Variants in ASIC2 observed in about 807,000 individuals in gnomAD.
ASIC2 encodes the protein acid sensing ion channel subunit 2.
A neutral mutation model predicts 57.3 loss-of-function variants in ASIC2; 25 were observed. The ratio of observed to expected loss-of-function variants is 0.44; its 90% CI spans 0.32 to 0.61. The LOEUF is 0.61. ASIC2 is among the 20% of genes least tolerant of loss of function. The pLI is 0.06. For synonymous variants in ASIC2, 319 were observed against 307.5 expected, an observed-to-expected ratio of 1.04 and a Z score of -0.39; for missense variants, 641 against 738.1, an observed-to-expected ratio of 0.87 and a Z score of 1.52.
intron 1 of ASIC2, among the ~76,000 whole-genome samples, chr17:34,084,016 CTTTAG>C (rs1483630013): frequency 3.3e-5 from 5 of 151,960 alleles, no homozygotes; most frequent in South Asian, 2.1e-4. Flanking sequence ...TGCAGAAGCT[CTTTAG>C]TTTAATTAGA....
At chr17:33,948,145 C>T (rs1346604583) in intron 1 of ASIC2, among the ~76,000 whole-genome samples, 1 of 152,138 alleles carries the variant, frequency 6.6e-6, no homozygotes, top group Non-Finnish European at 1.5e-5. Flanking sequence ...TCTGATGGGG[C>T]AGAAGGGAAC....
chr17:33,195,263 G>A (rs1197142713), intron 1 of ASIC2, among the ~76,000 whole-genome samples: 1 of 152,086 alleles, frequency 6.6e-6, no homozygotes, highest in Admixed American at 6.6e-5. Flanking sequence ...AGCAGTGTGG[G>A]GAAGAGAAAG....
intron 7 of ASIC2, 54 bp downstream of exon 7, chr17:33,021,165 C>CA: frequency 1.5e-6 from 1 of 685,040 alleles, no homozygotes; most frequent in Non-Finnish European, 2.7e-6. Context: ...TGCATCCTCC[C>CA]TCCCTCCCAC....
At chr17:33,818,515 C>A (rs776011982) in intron 1 of ASIC2, among the ~76,000 whole-genome samples, 9 of 152,054 alleles carry the variant, frequency 5.9e-5, no homozygotes, top group Non-Finnish European at 1.2e-4. Flanking sequence ...GGTTCTCAAC[C>A]TCAGATGGGG....
rs148452263 is a variant in ASIC2 at position 33,677,556 on chromosome 17, G to C, written c.555+478422C>G. On this transcript the variant is annotated intron_variant, in intron 1 of 9. Coordinates refer to the ASIC2 transcript ENST00000359872. ...GATGCCATTAAGAACATTTGTGACTGATGGGAGAAGATCAACATATTAACT... is the reference window on the plus strand; with the variant it reads ...GATGCCATTAAGAACATTTGTGACTCATGGGAGAAGATCAACATATTAACT... Among the ~76,000 whole-genome samples the C allele has an allele frequency of 3.9e-3, 600 of 152,318 alleles. 9 individuals carry two copies. Among genetic ancestry groups the C allele is most frequent in the African/African-American group, 0.014 (572 of 41,584 alleles).
At chr17:33,594,207 G>A (rs1234384175) in intron 1 of ASIC2, among the ~76,000 whole-genome samples, 4 of 152,180 alleles carry the variant, frequency 2.6e-5, no homozygotes, top group Non-Finnish European at 5.9e-5. Context: ...CTATTCTGAC[G>A]TAGGCCATCT....
At chr17:34,098,238 T>C (rs1329586989) in intron 1 of ASIC2, among the ~76,000 whole-genome samples, 1 of 152,172 alleles carries the variant, frequency 6.6e-6, no homozygotes, top group Non-Finnish European at 1.5e-5. Context: ...AGCCCCTAGG[T>C]ACTCACTTAT....
intron 1 of ASIC2, among the ~76,000 whole-genome samples, chr17:33,362,119 G>C (rs960058156): frequency 5.9e-5 from 9 of 152,288 alleles, no homozygotes; most frequent in Admixed American, 5.9e-4. Context: ...GATTGGCTGG[G>C]TGCCATGCTC....
At chr17:33,304,483 C>A (rs1000515885) in intron 1 of ASIC2, among the ~76,000 whole-genome samples, 1 of 152,216 alleles carries the variant, frequency 6.6e-6, no homozygotes, top group African/African-American at 2.4e-5. Flanking sequence ...ACTGCATCCT[C>A]GGACCTTTTG....
At chr17:33,615,594 A>G (rs1905577741) in intron 1 of ASIC2, among the ~76,000 whole-genome samples, 1 of 151,962 alleles carries the variant, frequency 6.6e-6, no homozygotes, top group Non-Finnish European at 1.5e-5. Flanking sequence ...AACACCCTCA[A>G]TTTCTTTTTT....
chr17:34,052,370 C>T (rs559942057), intron 1 of ASIC2, among the ~76,000 whole-genome samples: 6 of 152,296 alleles, frequency 3.9e-5, no homozygotes, highest in African/African-American at 1.4e-4. Flanking sequence ...GATAACATTC[C>T]TGTGACTGGG....
intron 1 of ASIC2, among the ~76,000 whole-genome samples, chr17:33,600,923 A>G (rs1471432122): frequency 6.6e-6 from 1 of 152,216 alleles, no homozygotes; most frequent in Non-Finnish European, 1.5e-5. Context: ...ATATAGTTGC[A>G]AATAACTTGA....
At chr17:33,032,950 G>T (rs909115620) in intron 3 of ASIC2, among the ~76,000 whole-genome samples, 5 of 151,876 alleles carry the variant, frequency 3.3e-5, no homozygotes, top group African/African-American at 4.8e-5. Flanking sequence ...TTTACTTATG[G>T]CAAAATTTCT....
At chr17:33,083,717 T>A (rs1298220901) in intron 3 of ASIC2, among the ~76,000 whole-genome samples, 5 of 152,152 alleles carry the variant, frequency 3.3e-5, no homozygotes, top group African/African-American at 1.2e-4. Flanking sequence ...TGGTTCTGCA[T>A]CATTGGGATG....
intron 1 of ASIC2, among the ~76,000 whole-genome samples, chr17:33,317,269 A>G (rs1448642855): frequency 6.6e-6 from 1 of 152,142 alleles, no homozygotes; most frequent in Non-Finnish European, 1.5e-5. Flanking sequence ...GCATGCTGTG[A>G]GCAGTTCCTC....
At chr17:33,078,658 C>T (rs1320907879) in intron 3 of ASIC2, among the ~76,000 whole-genome samples, 1 of 152,080 alleles carries the variant, frequency 6.6e-6, no homozygotes, top group Non-Finnish European at 1.5e-5. Context: ...GGCTGGTCTC[C>T]AACTCCTGAT....
At chr17:33,294,162 C>T (rs982161568), upstream of ASIC2, among the ~76,000 whole-genome samples, 3 of 152,108 alleles carry the variant, frequency 2.0e-5, no homozygotes, top group African/African-American at 7.2e-5. Context: ...TTCCCATTCC[C>T]CTTGCTGGGA....
chr17:33,515,937 A>G (rs1417203776), intron 1 of ASIC2, among the ~76,000 whole-genome samples: 1 of 152,116 alleles, frequency 6.6e-6, no homozygotes, highest in African/African-American at 2.4e-5. Context: ...CTCTAAAAAA[A>G]AATACAAAAA....
intron 1 of ASIC2, among the ~76,000 whole-genome samples, chr17:34,102,741 G>A (rs896644854): frequency 6.6e-6 from 1 of 152,176 alleles, no homozygotes; most frequent in African/African-American, 2.4e-5. Context: ...TATTGGGGCT[G>A]TTTCCAGTTC....
Sources: gnomAD v4.1 joint callset for allele counts (sites outside exome capture counted in the v4.1 genomes callset) on GRCh38, gnomAD v4.1.1 for gene constraint, MANE v1.5 for transcripts, NCBI Gene and HGNC (gene_info 2026-07-23, HGNC 2026-07-21) for gene names.